GRIK2: variants seen among roughly 807,000 people sequenced by gnomAD.
The protein encoded by GRIK2 is glutamate receptor ionotropic, kainate 2.
In GRIK2, 32 loss-of-function variants were observed where a neutral mutation model predicts 100.3. The ratio of observed to expected loss-of-function variants is 0.32; its 90% confidence interval spans 0.24 to 0.43. The LOEUF is 0.43. Ranked by LOEUF, GRIK2 falls within the 20% of genes least tolerant of loss-of-function variation. The pLI, the probability that GRIK2 is intolerant of heterozygous loss-of-function variation, is 1.00. For missense variants in GRIK2, 843 were observed against 1,114.9 expected (o/e 0.76, Z 3.47); for synonymous variants, 417 against 389.4 (o/e 1.07, Z -0.83).
At position 101,864,143 on chromosome 6, in the gene GRIK2, C is replaced by CAAAA. The variant is rs138911944; in HGVS notation, c.1524+4665_1524+4668dup. Among the ~76,000 whole-genome samples the CAAAA allele has an allele frequency of 2.9e-3, 245 of 85,772 alleles. 1 individual carries two copies. Among genetic ancestry groups the CAAAA allele is most frequent in the African/African-American group, 0.011 (241 of 21,072 alleles). The allele number at this position is 85,772 out of a possible 152,430, so 56.3% of individuals were successfully genotyped here. A position where few individuals can be genotyped will look rare whatever the true frequency, so the allele number is the denominator to read the frequency against. On this transcript the variant is annotated intron_variant, in intron 11 of 16. Coordinates refer to ENST00000369134, the MANE Select transcript of GRIK2 (RefSeq NM_021956.5). ...TGGGCGACAGAGCGAGACTCCGTCT[C>CAAAA]AAAAAAAAAAAAAAAAAAGAAGATG...
intron 16 of GRIK2, among the ~76,000 whole-genome samples, chr6:102,060,809 C>A (rs1771710464): frequency 6.6e-6 from 1 of 150,422 alleles, no homozygotes; most frequent in Non-Finnish European, 1.5e-5. Flanking sequence ...AGCTGTAAAG[C>A]ATAATTATAT....
intron 2 of GRIK2, among the ~76,000 whole-genome samples, chr6:101,432,956 G>A (rs777533594): frequency 6.6e-6 from 1 of 152,104 alleles, no homozygotes; most frequent in African/African-American, 2.4e-5. Context: ...ATTTCAAGGA[G>A]GAGGAGGAAG....
intron 5 of GRIK2, among the ~76,000 whole-genome samples, chr6:101,681,501 C>T (rs1479749056): frequency 6.6e-6 from 1 of 150,712 alleles, no homozygotes; most frequent in African/African-American, 2.4e-5. Flanking sequence ...TCCCGAAGTC[C>T]AGGGATTACA....
intron 7 of GRIK2, among the ~76,000 whole-genome samples, chr6:101,754,783 G>A (rs931841859): frequency 6.6e-6 from 1 of 152,208 alleles, no homozygotes; most frequent in African/African-American, 2.4e-5. Flanking sequence ...CCAGATAGCA[G>A]AAACGATATG....
chr6:101,981,147 C>G (rs1194765082), intron 14 of GRIK2, among the ~76,000 whole-genome samples: 3 of 151,748 alleles, frequency 2.0e-5, no homozygotes, highest in African/African-American at 7.3e-5. Context: ...CAGACCCAAG[C>G]AGGTTGATGA....
chr6:101,593,294 C>G (rs948968219), intron 2 of GRIK2, among the ~76,000 whole-genome samples: 2 of 151,912 alleles, frequency 1.3e-5, no homozygotes, highest in East Asian at 1.9e-4. Flanking sequence ...TTCCCTAACT[C>G]TCTGCTCTAA....
chr6:101,873,854 G>A (rs1240196907), intron 11 of GRIK2, among the ~76,000 whole-genome samples: 1 of 152,140 alleles, frequency 6.6e-6, no homozygotes, highest in Non-Finnish European at 1.5e-5. Context: ...CAGTGATGAT[G>A]AGCATCTTTT....
chr6:101,537,781 C>T (rs368736360), intron 2 of GRIK2, among the ~76,000 whole-genome samples: 11 of 151,836 alleles, frequency 7.2e-5, no homozygotes, highest in South Asian at 2.1e-4. Flanking sequence ...CTCCTATTTT[C>T]GAGTGGACTG....
At chr6:101,622,614 C>T (rs1482345589) in intron 3 of GRIK2, among the ~76,000 whole-genome samples, 3 of 151,848 alleles carry the variant, frequency 2.0e-5, no homozygotes, top group African/African-American at 7.3e-5. Flanking sequence ...ATGTATATTC[C>T]ATGCTCATAT....
chr6:101,490,509 A>C lies in GRIK2; in HGVS notation c.115+91117A>C, dbSNP rs893129557. On this transcript the variant is annotated intron_variant, in intron 2 of 16. Coordinates refer to ENST00000369134, the MANE Select transcript of GRIK2 (RefSeq NM_021956.5). ...AGGCAGAGGTGGTTAAGAAAGGCAG[A>C]GTAGAAGGAAAGGGACTTTAGCTTC... Among the ~76,000 whole-genome samples the C allele has an allele frequency of 2.0e-4, 29 of 146,802 alleles. 3 individuals carry two copies. Among genetic ancestry groups the C allele is most frequent in the Admixed American group, 7.5e-4 (11 of 14,700 alleles).
At chr6:101,557,081 A>G (rs1237682739) in intron 2 of GRIK2, among the ~76,000 whole-genome samples, 1 of 152,184 alleles carries the variant, frequency 6.6e-6, no homozygotes, top group Non-Finnish European at 1.5e-5. Context: ...TTTTTCTACA[A>G]AAGGTAGTTT....
intron 4 of GRIK2, among the ~76,000 whole-genome samples, chr6:101,632,083 C>T (rs1780769272): frequency 6.6e-6 from 1 of 152,096 alleles, no homozygotes; most frequent in Non-Finnish European, 1.5e-5. Flanking sequence ...TTCCTCCTAG[C>T]CATGAAGTGC....
In GRIK2 at chr6:101,789,222, T is replaced by C. The variant is rs547696848; in HGVS notation, c.952-10426T>C. ...GCTGTTTAGTTTAATTAGATCCCATTTGTCAATTTTGGCTTTTGTTGCCAT... is the reference window on the plus strand; with the variant it reads ...GCTGTTTAGTTTAATTAGATCCCATCTGTCAATTTTGGCTTTTGTTGCCAT... On this transcript the variant is annotated intron_variant, in intron 7 of 16. Coordinates refer to ENST00000369134, the MANE Select transcript of GRIK2 (RefSeq NM_021956.5). 1.2e-4 allele frequency among the ~76,000 whole-genome samples: 18 copies of C among 152,324 alleles called. 1 individual carries two copies. The South Asian group carries it at 3.7e-3, about 32-fold the overall frequency.
chr6:101,972,779 C>T (rs1793132549), intron 14 of GRIK2, among the ~76,000 whole-genome samples: 1 of 151,804 alleles, frequency 6.6e-6, no homozygotes, highest in African/African-American at 2.4e-5. Flanking sequence ...GCCAGTTATC[C>T]CTGCACCATT....
chr6:101,487,545 T>C (rs1772892531), intron 2 of GRIK2, among the ~76,000 whole-genome samples: 2 of 147,030 alleles, frequency 1.4e-5, no homozygotes. Context: ...GGCCATCTTT[T>C]AAGATATGAA....
chr6:101,541,348 A>G (rs1187389319), intron 2 of GRIK2, among the ~76,000 whole-genome samples: 14 of 502 alleles, frequency 0.028, no homozygotes, highest in African/African-American at 0.12. Flanking sequence ...AGGACCGGGT[A>G]ACAGATGTTA....
intron 2 of GRIK2, among the ~76,000 whole-genome samples, chr6:101,429,256 C>T (rs1350574312): frequency 1.3e-5 from 2 of 152,008 alleles, no homozygotes; most frequent in African/African-American, 4.8e-5. Context: ...GTAAATGGCA[C>T]GTTCAGAGGG....
chr6:101,751,575 A>T (rs547961457), intron 7 of GRIK2, among the ~76,000 whole-genome samples: 1 of 152,164 alleles, frequency 6.6e-6, no homozygotes, highest in Non-Finnish European at 1.5e-5. Flanking sequence ...ACAATGATCT[A>T]ATTTCCAATT....
intron 16 of GRIK2, among the ~76,000 whole-genome samples, chr6:102,057,509 C>G (rs1480708748): frequency 6.6e-6 from 1 of 151,850 alleles, no homozygotes; most frequent in African/African-American, 2.4e-5. Flanking sequence ...ATATGATCCT[C>G]TAAAAATTAG....
Sources: allele counts gnomAD v4.1 joint callset (sites outside exome capture counted in the v4.1 genomes callset), GRCh38; gene constraint gnomAD v4.1.1; transcripts MANE v1.5; gene names NCBI Gene and HGNC (gene_info 2026-07-23, HGNC 2026-07-21).